Variants in RUNX1T1 observed in about 807,000 individuals in gnomAD.
The protein encoded by RUNX1T1 is protein CBFA2T1.
RUNX1T1 carries 4 observed loss-of-function variants against 62.8 expected under a neutral mutation model. That is an observed-to-expected ratio of 0.06 (90% confidence interval 0.03 to 0.15). RUNX1T1 has a LOEUF of 0.15. Ranked by LOEUF, RUNX1T1 falls within the 10% of genes least tolerant of loss-of-function variation. The pLI is 1.00. For synonymous variants in RUNX1T1, 291 were observed against 286.0 expected (o/e 1.02, Z -0.18); for missense variants, 508 against 754.3 (o/e 0.67, Z 3.82).
At chr8:92,037,402 G>A (rs1290543187) in intron 1 of RUNX1T1, among the ~76,000 whole-genome samples, 3 of 152,150 alleles carry the variant, frequency 2.0e-5, no homozygotes, top group South Asian at 2.1e-4. Context: ...TTCTCATCAG[G>A]TGCGGTGACT....
chr8:91,977,225 C>G, intron 8 of RUNX1T1: 1 of 196,644 alleles, frequency 5.1e-6, no homozygotes, highest in East Asian at 8.1e-5. Context: ...TTTACTACAG[C>G]TTGGTGAGGA....
intron 1 of RUNX1T1, among the ~76,000 whole-genome samples, chr8:92,027,445 T>C (rs1363715902): frequency 6.6e-6 from 1 of 152,138 alleles, no homozygotes; most frequent in Non-Finnish European, 1.5e-5. Context: ...AGCAGGAGGA[T>C]TGTCTGGAGC....
chr8:92,077,573 T>TA (rs1356203885), intron 1 of RUNX1T1, among the ~76,000 whole-genome samples: 3 of 152,080 alleles, frequency 2.0e-5, no homozygotes, highest in African/African-American at 4.8e-5. Flanking sequence ...TGTACAAAGG[T>TA]AAAAAACATT....
intron 6 of RUNX1T1, among the ~76,000 whole-genome samples, chr8:91,988,443 T>C (rs746763903): frequency 6.6e-6 from 1 of 152,168 alleles, no homozygotes; most frequent in Non-Finnish European, 1.5e-5. Flanking sequence ...TACTGCTCTG[T>C]TGTGATTATT....
intron 1 of RUNX1T1, chr8:92,095,675 G>C: frequency 2.0e-6 from 2 of 979,176 alleles, no homozygotes; most frequent in Non-Finnish European, 2.8e-6. Context: ...ACAGGCAGGA[G>C]GGAAGGAGGG....
chr8:92,017,865 G>C (rs998636769), intron 1 of RUNX1T1, among the ~76,000 whole-genome samples: 3 of 152,142 alleles, frequency 2.0e-5, no homozygotes, highest in African/African-American at 7.2e-5. Flanking sequence ...AGATGAAATA[G>C]GTTATCGTCT....
At chr8:92,062,671 G>T in exon 1 of RUNX1T1, 1 of 1,593,414 alleles carries the variant, frequency 6.3e-7, no homozygotes, top group Non-Finnish European at 8.6e-7. Flanking sequence ...AGAGGGGCTG[G>T]GGCGGCATCG....
intron 1 of RUNX1T1, among the ~76,000 whole-genome samples, chr8:92,082,432 G>A (rs546411652): frequency 6.6e-6 from 1 of 152,114 alleles, no homozygotes; most frequent in South Asian, 2.1e-4. Context: ...GGTCATCTTG[G>A]GTAAGAGAGT....
intron 10 of RUNX1T1, among the ~76,000 whole-genome samples, chr8:91,965,924 C>T (rs907272804): frequency 6.6e-6 from 1 of 151,890 alleles, no homozygotes; most frequent in Non-Finnish European, 1.5e-5. Flanking sequence ...TAATAAAATA[C>T]TTCTCCTCAT....
At chr8:92,099,201 T>TA (rs1172967805) in intron 1 of RUNX1T1, among the ~76,000 whole-genome samples, 1 of 152,180 alleles carries the variant, frequency 6.6e-6, no homozygotes, top group Admixed American at 6.5e-5. Flanking sequence ...AGAAAAAGAA[T>TA]AAATTTTTTT....
chr8:92,054,053 G>A (rs777008932), intron 1 of RUNX1T1, among the ~76,000 whole-genome samples: 1 of 151,834 alleles, frequency 6.6e-6, no homozygotes, highest in Non-Finnish European at 1.5e-5. Context: ...GGTGGGGTGG[G>A]GAAGAAGTGG....
intron 1 of RUNX1T1, among the ~76,000 whole-genome samples, chr8:92,079,068 T>G (rs1419280887): frequency 6.6e-6 from 1 of 152,190 alleles, no homozygotes; most frequent in Non-Finnish European, 1.5e-5. Flanking sequence ...CAGGAATCCT[T>G]TCACTGCCTA....
chr8:92,085,808 C>G (rs1291861333), intron 1 of RUNX1T1, among the ~76,000 whole-genome samples: 2 of 152,158 alleles, frequency 1.3e-5, no homozygotes, highest in Non-Finnish European at 2.9e-5. Context: ...ACTAAAATCT[C>G]TCACATAGGG....
At chr8:91,968,270 C>T (rs911135251) in intron 10 of RUNX1T1, among the ~76,000 whole-genome samples, 24 of 152,064 alleles carry the variant, frequency 1.6e-4, no homozygotes, top group African/African-American at 4.3e-4. Context: ...AGACAGGACA[C>T]CTGACAGTGG....
intron 5 of RUNX1T1, among the ~76,000 whole-genome samples, chr8:91,994,014 A>AC (rs1818206059): frequency 6.6e-6 from 1 of 152,050 alleles, no homozygotes; most frequent in East Asian, 1.9e-4. Context: ...AACAACAACA[A>AC]AAAAACTGAG....
Position 92,010,988 on chromosome 8 carries a change from G to A in RUNX1T1, c.477+14C>T, listed in dbSNP as rs774453056. 2.1e-6 allele frequency: 3 copies of A among 1,454,188 alleles called. No individual in the cohort carries two copies. Among genetic ancestry groups the A allele is most frequent in the Admixed American group, 1.7e-5 (1 of 59,772 alleles). 90.1% of individuals were successfully genotyped at this position (1,454,188 alleles called of 1,614,324 possible). ...GGTTTAAAATACTTTACAGACCAGT[G>A]AACTGTGCAATACCTTCAAAAATGG... On this transcript the variant is annotated intron_variant, in intron 4 of 10. Coordinates refer to ENST00000396218, the Ensembl canonical transcript of RUNX1T1.
intron 5 of RUNX1T1, 94 bp downstream of exon 6, chr8:92,005,022 T>G (rs953936590): frequency 9.2e-7 from 1 of 1,083,896 alleles, no homozygotes; most frequent in East Asian, 2.5e-5. Flanking sequence ...AAGAATGACA[T>G]AGGCCAGCGG....
At chr8:92,054,218 C>T (rs1830664402) in intron 1 of RUNX1T1, among the ~76,000 whole-genome samples, 1 of 151,808 alleles carries the variant, frequency 6.6e-6, no homozygotes, top group African/African-American at 2.4e-5. Flanking sequence ...ATCTGGTTTC[C>T]ACATTTGCAA....
At chr8:91,994,280 A>G (rs1818260547) in intron 5 of RUNX1T1, among the ~76,000 whole-genome samples, 1 of 152,232 alleles carries the variant, frequency 6.6e-6, no homozygotes, top group African/African-American at 2.4e-5. Flanking sequence ...GCATTGCTTT[A>G]AAATAATTTT....
Sources: allele counts gnomAD v4.1 joint callset (sites outside exome capture counted in the v4.1 genomes callset), GRCh38; gene constraint gnomAD v4.1.1; transcripts MANE v1.5; gene names NCBI Gene and HGNC (gene_info 2026-07-23, HGNC 2026-07-21).